The following DMXL1 variants were observed in gnomAD, a reference collection of about 807,000 sequenced individuals.
DMXL1 encodes Dmx like 1.
DMXL1 carries 99 observed loss-of-function variants against 319.2 expected under a neutral mutation model. The observed-to-expected ratio is 0.31, with a 90% CI of 0.26 to 0.37. DMXL1 has a LOEUF of 0.37. Among genes scored for constraint, DMXL1 ranks in the 10% least tolerant of loss-of-function variants. The pLI is 1.00. For synonymous variants in DMXL1, 1,385 were observed against 1,235.2 expected (o/e 1.12, Z -2.54); for missense variants, 3,745 against 3,595.6 (o/e 1.04, Z -1.06).
chr5:119,196,266 GT>G (rs1196247766), intron 30 of DMXL1, 104 bp from the exon 31 acceptor site: 1 of 838,990 alleles, frequency 1.2e-6, no homozygotes, highest in African/African-American at 1.7e-5. Context: ...AGAGGGGTAT[GT>G]TCAGGTTGAT....
At chr5:119,165,724 C>T (rs1400913684) in intron 21 of DMXL1, among the ~76,000 whole-genome samples, 1 of 152,212 alleles carries the variant, frequency 6.6e-6, no homozygotes, top group African/African-American at 2.4e-5. Flanking sequence ...CAAGACAAAA[C>T]AGAGCTTGTG....
chr5:119,210,554 T>G (rs1782577873), intron 34 of DMXL1, among the ~76,000 whole-genome samples: 1 of 152,142 alleles, frequency 6.6e-6, no homozygotes, highest in Non-Finnish European at 1.5e-5. Context: ...TTTCTTTCAC[T>G]AAACTACCTC....
chr5:119,127,276 T>C (rs1454805257), intron 9 of DMXL1: 1 of 223,624 alleles, frequency 4.5e-6, no homozygotes, highest in Non-Finnish European at 9.5e-6. Context: ...ACTGCCTTCC[T>C]CTGACTCTCT....
At chr5:119,131,449 A>G (rs1280269744) in intron 10 of DMXL1, among the ~76,000 whole-genome samples, 2 of 152,206 alleles carry the variant, frequency 1.3e-5, no homozygotes, top group Non-Finnish European at 2.9e-5. Context: ...CATACCAGTT[A>G]CAAGTCCATA....
intron 1 of DMXL1, among the ~76,000 whole-genome samples, chr5:119,089,999 CTTTTTTTTTTTTTTTTTTTTTTT>C (rs70982467): frequency 4.7e-4 from 16 of 34,402 alleles, no homozygotes; most frequent in East Asian, 1.5e-3. Context: ...TCGGGTTAGT[CTTTTTTTTTTTTTTTTTTTTTTT>C]TTTTTTTTTT....
rs572648391 is a variant in DMXL1 at position 119,149,410 on chromosome 5, T to C, written c.3583T>C (p.Ser1195Pro). ...LWESTKVVPL[S>P]KFVLLRSVDL... Reference sequence around the variant, plus strand: ...GGAGAGTACCAAAGTTGTGCCCCTTTCTAAATTTGTACTATTACGAAGTGT... The same window carrying C: ...GGAGAGTACCAAAGTTGTGCCCCTTCCTAAATTTGTACTATTACGAAGTGT... The change falls in exon 18 of 44, where the codon TCT (serine) becomes CCT (proline). Residue 1195 changes from serine (S) to proline (P), a missense_variant. Around this residue, in one of 4 missense-constraint regions of DMXL1, gnomAD observed 2,096 missense variants for 1,985.4 expected, o/e 1.06. Transcript: ENST00000539542. 3.8e-5 allele frequency: 62 copies of C among 1,613,934 alleles called. No individual in the cohort carries two copies. The East Asian group carries it at 9.1e-4, about 24-fold the overall frequency.
intron 1 of DMXL1, among the ~76,000 whole-genome samples, chr5:119,088,710 C>T (rs1341560750): frequency 6.6e-6 from 1 of 151,904 alleles, no homozygotes; most frequent in African/African-American, 2.4e-5. Flanking sequence ...TATTGAAGTG[C>T]GTTATTATCT....
chr5:119,072,562 A>G (rs766125089), intron 1 of DMXL1, among the ~76,000 whole-genome samples: 7 of 152,190 alleles, frequency 4.6e-5, no homozygotes, highest in Non-Finnish European at 8.8e-5. Context: ...GTAAAACTTA[A>G]TTTTGTATAA....
intron 19 of DMXL1, among the ~76,000 whole-genome samples, chr5:119,153,057 A>G (rs1291031084): frequency 6.6e-6 from 1 of 151,644 alleles, no homozygotes; most frequent in Non-Finnish European, 1.5e-5. Context: ...GCACACTGCA[A>G]CCTCCATTTC....
rs776526083 is a variant in DMXL1 at position 119,170,949 on chromosome 5, G to A, written c.6158G>A (p.Gly2053Glu). 6.2e-7 allele frequency: 1 copy of A among 1,613,700 alleles called. No individual in the cohort carries two copies. The highest frequency in any genetic ancestry group is 1.7e-5 in the Admixed American group (1 of 59,950). Residue 2053 changes from glycine (G) to glutamate (E), a missense_variant, in exon 24 of 44, where the codon GGA becomes GAA. Around this residue, in one of 4 missense-constraint regions of DMXL1, gnomAD observed 1,382 missense variants for 1,269.5 expected, o/e 1.09. Coordinates refer to ENST00000539542, the MANE Select transcript of DMXL1 (RefSeq NM_001290321.3). ...TLSTGYEIDGGKLRYQLYHWL... is the reference protein window; with the variant it reads ...TLSTGYEIDGEKLRYQLYHWL... The stretch of plus-strand genomic sequence containing the variant: ...TCTACTGGCTATGAAATAGATGGTG[G>A]AAAATTGCGTTACCAACTATACCAC...
chr5:119,208,991 A>G (rs1782263948), intron 34 of DMXL1, among the ~76,000 whole-genome samples: 1 of 152,196 alleles, frequency 6.6e-6, no homozygotes, highest in Non-Finnish European at 1.5e-5. Context: ...GTCTGTGTCC[A>G]TTGACTTAGC....
In DMXL1 at chr5:119,166,665, G is replaced by C. The variant is rs762594489; in HGVS notation, c.5020G>C (p.Asp1674His). The C allele has an allele frequency of 6.2e-7, 1 of 1,611,690 alleles. No homozygotes were observed. Among genetic ancestry groups the C allele is most frequent in the Non-Finnish European group, 8.5e-7 (1 of 1,179,116 alleles). Residue 1674 changes from aspartate (D) to histidine (H), a missense_variant, in exon 22 of 44, where the codon GAT becomes CAT. Physicochemically the swap from Asp to His is moderately conservative, Grantham distance 81. This residue lies in a region of DMXL1 where 2,096 missense variants were observed against 1,985.4 expected (regional missense o/e 1.06). Transcript: ENST00000539542. ...ACAGTTTTTTGGACACAATTTTGAGGATGAGAGGTGGCGTAAAGCAGCTTT... is the reference window on the plus strand; with the variant it reads ...ACAGTTTTTTGGACACAATTTTGAGCATGAGAGGTGGCGTAAAGCAGCTTT... ...MTQFFGHNFE[D>H]ERWRKAALKN...
intron 33 of DMXL1, among the ~76,000 whole-genome samples, chr5:119,206,185 T>G (rs1439829750): frequency 6.6e-6 from 1 of 152,068 alleles, no homozygotes; most frequent in Non-Finnish European, 1.5e-5. Context: ...AATAAAAAAT[T>G]GGGACTTGAC....
At chr5:119,238,705 A>G (rs894718049) in intron 40 of DMXL1, among the ~76,000 whole-genome samples, 47 of 152,172 alleles carry the variant, frequency 3.1e-4, no homozygotes, top group African/African-American at 8.7e-4. Context: ...GCCTACTTAA[A>G]TAGTTCAGGA....
At chr5:119,127,827 A>T in intron 9 of DMXL1, 1 of 275,290 alleles carries the variant, frequency 3.6e-6, no homozygotes, top group Non-Finnish European at 7.5e-6. Flanking sequence ...GATTTCTTTC[A>T]TTATCTGTTT....
chr5:119,181,834 G>A (rs1776832396), intron 28 of DMXL1, among the ~76,000 whole-genome samples: 1 of 151,496 alleles, frequency 6.6e-6, no homozygotes, highest in African/African-American at 2.4e-5. Context: ...AAAAGGAGCA[G>A]GCAGAAAGAG....
intron 19 of DMXL1, among the ~76,000 whole-genome samples, chr5:119,162,694 A>G (rs1772530238): frequency 6.6e-6 from 1 of 152,216 alleles, no homozygotes; most frequent in Admixed American, 6.5e-5. Context: ...AAGGAATGAA[A>G]CCTGGAACTT....
At chr5:119,147,683 T>A in intron 17 of DMXL1, 1 of 417,454 alleles carries the variant, frequency 2.4e-6, no homozygotes, top group South Asian at 6.5e-5. Flanking sequence ...AATATTGATT[T>A]CTAAAACAAA....
intron 40 of DMXL1, among the ~76,000 whole-genome samples, chr5:119,237,700 CT>C: frequency 2.0e-5 from 3 of 152,116 alleles, no homozygotes; most frequent in Admixed American, 2.0e-4. Flanking sequence ...TCTAACCTCA[CT>C]AAACTGGTTA....
Sources: gnomAD v4.1 joint callset for allele counts (sites outside exome capture counted in the v4.1 genomes callset) on GRCh38, gnomAD v4.1.1 for gene constraint, gnomAD v4.1.1 regional missense constraint, MANE v1.5 for transcripts, NCBI Gene and HGNC (gene_info 2026-07-23, HGNC 2026-07-21) for gene names.